The following STK35 variants were observed in gnomAD, a reference collection of about 807,000 sequenced individuals.
STK35 encodes serine/threonine kinase 35.
Under a neutral mutation model 37.3 loss-of-function variants are expected in STK35, and 17 were observed. The ratio of observed to expected loss-of-function variants is 0.46; its 90% CI spans 0.31 to 0.68. The LOEUF (loss-of-function observed/expected upper bound fraction) is 0.68. Ranked by LOEUF, STK35 falls within the 30% of genes least tolerant of loss-of-function variation. STK35 has a pLI of 0.05. For missense variants in STK35, 595 were observed against 746.7 expected, an observed-to-expected ratio of 0.80 and a Z score of 2.37; for synonymous variants, 385 against 319.1, an observed-to-expected ratio of 1.21 and a Z score of -2.20.
rs906109247 is a variant in STK35, at chr20:2,103,006, C to T, written c.533C>T (p.Ala178Val). 1 of 1,420,076 alleles carries T rather than the reference C, an allele frequency of 7.0e-7. No homozygotes were observed. Among genetic ancestry groups the T allele is most frequent in the Admixed American group, 3.3e-5 (1 of 30,436 alleles). The allele number at this position is 1,420,076 out of a possible 1,614,324, so 88.0% of individuals were successfully genotyped here. Reference protein sequence around the residue: ...AAARAMDPVAAEAPGEAFLAR... With the variant: ...AAARAMDPVAVEAPGEAFLAR... ...GCCCGGGCCATGGATCCGGTGGCGGCCGAGGCCCCGGGCGAGGCCTTCCTG... is the reference window on the plus strand; with the variant it reads ...GCCCGGGCCATGGATCCGGTGGCGGTCGAGGCCCCGGGCGAGGCCTTCCTG... Residue 178 changes from alanine to valine, a missense_variant, in exon 2 of 4, where the codon GCC becomes GTC. Physicochemically the swap from Ala to Val is moderately conservative, Grantham distance 64. Around this residue, in one of 3 missense-constraint regions of STK35, gnomAD observed 389 missense variants for 320.0 expected, o/e 1.22. Transcript: ENST00000381482.
chr20:2,105,691 G>A (rs1460540316), intron 2 of STK35, among the ~76,000 whole-genome samples: 1 of 139,858 alleles, frequency 7.2e-6, no homozygotes, highest in Non-Finnish European at 1.5e-5. Flanking sequence ...CTCCACATAG[G>A]GAGGAATTCA....
At chr20:2,134,342 G>C (rs1986049404) in intron 3 of STK35, among the ~76,000 whole-genome samples, 1 of 151,698 alleles carries the variant, frequency 6.6e-6, no homozygotes, top group East Asian at 1.9e-4. Context: ...CTGTTGCCCT[G>C]TTAGAAAGGG....
intron 1 of STK35, 85 bp from the exon 2 acceptor site, chr20:2,102,683 G>T (rs986236358): frequency 1.6e-6 from 2 of 1,225,842 alleles, no homozygotes; most frequent in Non-Finnish European, 2.1e-6. Flanking sequence ...GGCGGCCGGG[G>T]GAGGAGGAGG....
At chr20:2,134,755 A>G (rs1217722338) in intron 3 of STK35, among the ~76,000 whole-genome samples, 1 of 151,918 alleles carries the variant, frequency 6.6e-6, no homozygotes, top group African/African-American at 2.4e-5. Context: ...GCCGGGCGTC[A>G]TGGCACACGC....
chr20:2,120,144 A>G (rs1017816419), intron 3 of STK35, among the ~76,000 whole-genome samples: 1 of 152,166 alleles, frequency 6.6e-6, no homozygotes, highest in East Asian at 1.9e-4. Flanking sequence ...CTTAAAATTC[A>G]GATTTGCTCT....
At chr20:2,104,823 A>G (rs905153079) in intron 2 of STK35, among the ~76,000 whole-genome samples, 6 of 152,102 alleles carry the variant, frequency 3.9e-5, no homozygotes, top group African/African-American at 1.4e-4. Flanking sequence ...CATTCTGAGA[A>G]GCCTACCCTC....
At chr20:2,114,050 A>G (rs914011756) in intron 2 of STK35, among the ~76,000 whole-genome samples, 11 of 152,096 alleles carry the variant, frequency 7.2e-5, no homozygotes, top group African/African-American at 2.7e-4. Flanking sequence ...TTACTTCACC[A>G]AGTGCCTCCG....
chr20:2,107,899 CTCAGAG>C (rs2122542458), intron 2 of STK35, among the ~76,000 whole-genome samples: 1 of 152,314 alleles, frequency 6.6e-6, no homozygotes, highest in African/African-American at 2.4e-5. Flanking sequence ...AAATGCTAGA[CTCAGAG>C]TCAGAAGGTT....
At position 2,142,676 on chromosome 20, in the gene STK35, G is replaced by A. The variant is rs1986191110; in HGVS notation, c.*38-1108G>A. Among the ~76,000 whole-genome samples, 3 of 152,218 alleles carry A rather than the reference G, an allele frequency of 2.0e-5. No individual in the cohort carries two copies. The South Asian group carries it at 6.2e-4, about 31-fold the overall frequency. ...GGAGGCTGAGGTGGGAGGATCACTAGAGCACAGGAGTTCAAGGTTGCAGTG... is the reference window on the plus strand; with the variant it reads ...GGAGGCTGAGGTGGGAGGATCACTAAAGCACAGGAGTTCAAGGTTGCAGTG... On this transcript the variant is annotated intron_variant, in intron 3 of 3. Coordinates refer to ENST00000381482, the MANE Select transcript of STK35 (RefSeq NM_080836.4).
chr20:2,128,036 C>T (rs971679855), intron 3 of STK35, among the ~76,000 whole-genome samples: 1 of 152,166 alleles, frequency 6.6e-6, no homozygotes, highest in Non-Finnish European at 1.5e-5. Flanking sequence ...CAGTGAGAAA[C>T]CCTAGCACCA....
chr20:2,125,607 G>A lies in STK35; in HGVS notation c.*37+8192G>A, dbSNP rs192267343. On this transcript the variant is annotated intron_variant, in intron 3 of 3. Transcript: ENST00000381482. Reference sequence around the variant, plus strand: ...ACAGTAAAGCAGCCAGGGCTGCCATGGGTGTCCTTCACAGTCTGACACTGG... The same window carrying A: ...ACAGTAAAGCAGCCAGGGCTGCCATAGGTGTCCTTCACAGTCTGACACTGG... 2.0e-5 allele frequency among the ~76,000 whole-genome samples: 3 copies of A among 152,376 alleles called. No individual in the cohort carries two copies. The East Asian group carries it at 5.8e-4, about 29-fold the overall frequency.
At chr20:2,129,791 A>G (rs963269672) in intron 3 of STK35, among the ~76,000 whole-genome samples, 1 of 152,044 alleles carries the variant, frequency 6.6e-6, no homozygotes, top group African/African-American at 2.4e-5. Flanking sequence ...CGAGACCTGA[A>G]GGATGAGGCC....
intron 3 of STK35, among the ~76,000 whole-genome samples, chr20:2,118,896 G>A (rs765194035): frequency 1.3e-5 from 2 of 152,158 alleles, no homozygotes; most frequent in Non-Finnish European, 2.9e-5. Context: ...TGTCATCTAG[G>A]TGTGTAGTAG....
In STK35 at chr20:2,148,282, A is replaced by G. The variant is rs1245376981; in HGVS notation, c.*4536A>G. The G allele has an allele frequency of 6.5e-6, 1 of 152,694 alleles. No individual in the cohort carries two copies. The highest frequency in any genetic ancestry group is 1.5e-5 in the Non-Finnish European group (1 of 68,046). The allele number at this position is 152,694 out of a possible 1,614,324, so 9.5% of individuals were successfully genotyped here. On this transcript the variant is annotated 3_prime_UTR_variant, in exon 4 of 4. Coordinates refer to ENST00000381482, the MANE Select transcript of STK35 (RefSeq NM_080836.4). ...GTGAGGGAGGTTTTAAGCCAGGCACAAAGTTAGTTTCCAATACTAGTTAAT... is the reference window on the plus strand; with the variant it reads ...GTGAGGGAGGTTTTAAGCCAGGCACGAAGTTAGTTTCCAATACTAGTTAAT...
rs571595182 is a variant in STK35 at position 2,128,660 on chromosome 20, A to G, written c.*37+11245A>G. Among the ~76,000 whole-genome samples, 7 of 152,270 alleles carry G rather than the reference A, an allele frequency of 4.6e-5. No homozygotes were observed. The East Asian group carries it at 1.4e-3, about 29-fold the overall frequency. ...TGGGGAAGTGGACTTCTGAGCCATA[A>G]TAATGATGAATGTCTCAAGGTGATC... On this transcript the variant is annotated intron_variant, in intron 3 of 3. Coordinates refer to ENST00000381482, the MANE Select transcript of STK35 (RefSeq NM_080836.4).
At chr20:2,115,898 C>T (rs1023271793) in intron 2 of STK35, among the ~76,000 whole-genome samples, 1 of 152,086 alleles carries the variant, frequency 6.6e-6, no homozygotes, top group Non-Finnish European at 1.5e-5. Context: ...CACTCCTGCC[C>T]CCCCCTTCAC....
chr20:2,102,076 T>C lies in STK35; in HGVS notation c.195T>C (p.Ala65=). 4 of 1,520,544 alleles carry C rather than the reference T, an allele frequency of 2.6e-6. No individual in the cohort carries two copies. In the South Asian group the frequency reaches 3.6e-5, roughly 14 times the overall value. The allele number at this position is 1,520,544 out of a possible 1,614,324, so 94.2% of individuals were successfully genotyped here. ...GGGCTCGGGCCGCCACCTCCCGCGC[T>C]GCTCGGTCCCGGAGGCAGCCCGGGC... is the stretch of plus-strand genomic sequence containing the variant. ...TRRARAATSR[A]ARSRRQPGPG... The change falls in exon 1 of 4, where the codon GCT becomes GCC. Residue 65 remains alanine (A), a synonymous_variant. Transcript: ENST00000381482.
chr20:2,132,302 A>T (rs73577282), intron 3 of STK35, among the ~76,000 whole-genome samples: 7,702 of 152,354 alleles, frequency 0.051, 521 homozygotes, highest in African/African-American at 0.15. Flanking sequence ...TAGAGGACAC[A>T]TGACTTAAGA....
intron 3 of STK35, among the ~76,000 whole-genome samples, chr20:2,128,623 C>G (rs1398048932): frequency 6.6e-6 from 1 of 152,078 alleles, no homozygotes; most frequent in African/African-American, 2.4e-5. Flanking sequence ...TTAACCTCTC[C>G]GTGGGCTTCC....
Sources: gnomAD v4.1 joint callset for allele counts (sites outside exome capture counted in the v4.1 genomes callset) on GRCh38, gnomAD v4.1.1 for gene constraint, gnomAD v4.1.1 regional missense constraint, MANE v1.5 for transcripts, NCBI Gene and HGNC (gene_info 2026-07-23, HGNC 2026-07-21) for gene names.